Variants in NRIP1 observed in about 807,000 individuals in gnomAD.
NRIP1 encodes nuclear receptor interacting protein 1, also known as nuclear receptor-interacting protein 1.
NRIP1 carries 28 observed loss-of-function variants against 75.0 expected under a neutral mutation model. The ratio of observed to expected loss-of-function variants is 0.37; its 90% CI spans 0.28 to 0.51. The LOEUF (loss-of-function observed/expected upper bound fraction) is 0.51, where lower values mean the gene tolerates loss of function less well. NRIP1 is among the 20% of genes least tolerant of loss of function. NRIP1 has a pLI of 0.92. For synonymous variants in NRIP1, 526 were observed against 487.6 expected (o/e 1.08, Z -1.04); for missense variants, 1,435 against 1,343.7 (o/e 1.07, Z -1.06).
At chr21:14,975,666 AG>A (rs2087041804) in intron 3 of NRIP1, among the ~76,000 whole-genome samples, 1 of 137,212 alleles carries the variant, frequency 7.3e-6, no homozygotes, top group African/African-American at 3.2e-5. Flanking sequence ...AGGGAGAGAG[AG>A]AGAGAAAGAA....
At position 14,962,994 on chromosome 21, in the gene NRIP1, C is replaced by A. The variant is rs1207717530; in HGVS notation, c.*1722G>T. ...TCTGGTGAATGAATTGTGGATTGTACAAACTGAACATAAAAACAGACCTGT... is the reference window on the plus strand; with the variant it reads ...TCTGGTGAATGAATTGTGGATTGTAAAAACTGAACATAAAAACAGACCTGT... On this transcript the variant is annotated 3_prime_UTR_variant, in exon 4 of 4. Transcript: ENST00000318948. 1.3e-5 allele frequency: 2 copies of A among 152,342 alleles called. No homozygotes were observed. The highest frequency in any genetic ancestry group is 2.9e-5 in the Non-Finnish European group (2 of 67,914). The allele number at this position is 152,342 out of a possible 1,614,324, so 9.4% of individuals were successfully genotyped here.
chr21:15,038,120 T>A (rs1380321755), intron 2 of NRIP1, among the ~76,000 whole-genome samples: 3 of 152,096 alleles, frequency 2.0e-5, no homozygotes, highest in Non-Finnish European at 2.9e-5. Context: ...ACCAAGAACC[T>A]GCCAACAGAC....
intron 3 of NRIP1, among the ~76,000 whole-genome samples, chr21:15,006,743 A>G (rs902694900): frequency 5.3e-5 from 8 of 152,240 alleles, no homozygotes; most frequent in Non-Finnish European, 7.3e-5. Context: ...TGAACAGGAC[A>G]GGAAAAGGAC....
At chr21:15,022,913 T>A (rs925801933) in intron 2 of NRIP1, among the ~76,000 whole-genome samples, 4 of 152,222 alleles carry the variant, frequency 2.6e-5, no homozygotes, top group Admixed American at 6.5e-5. Flanking sequence ...AGGAATGAAG[T>A]GCTGACACAT....
chr21:15,056,738 A>G (rs2147399417), intron 1 of NRIP1, among the ~76,000 whole-genome samples: 1 of 152,294 alleles, frequency 6.6e-6, no homozygotes, highest in East Asian at 1.9e-4. Context: ...AGCACCCTAG[A>G]AAATATTATG....
intron 3 of NRIP1, among the ~76,000 whole-genome samples, chr21:15,005,441 G>A (rs1297625622): frequency 6.6e-6 from 1 of 152,120 alleles, no homozygotes; most frequent in Non-Finnish European, 1.5e-5. Flanking sequence ...TTGGTTGAAC[G>A]CTGAGGCAGT....
chr21:14,983,950 C>T (rs79306440), intron 3 of NRIP1, among the ~76,000 whole-genome samples: 8 of 152,326 alleles, frequency 5.3e-5, no homozygotes, highest in Non-Finnish European at 1.2e-4. Flanking sequence ...AAGAGCTCTG[C>T]TGCAGTTGTA....
At chr21:15,003,808 G>A (rs764032356) in intron 3 of NRIP1, among the ~76,000 whole-genome samples, 8 of 152,052 alleles carry the variant, frequency 5.3e-5, no homozygotes, top group Non-Finnish European at 1.2e-4. Context: ...AACCCTTTAG[G>A]TACTGGAAAC....
At chr21:14,980,427 T>C (rs2087200953) in intron 3 of NRIP1, among the ~76,000 whole-genome samples, 1 of 151,934 alleles carries the variant, frequency 6.6e-6, no homozygotes, top group Non-Finnish European at 1.5e-5. Context: ...TGAGCCAAGA[T>C]CGCACTATTG....
chr21:15,021,856 C>T (rs1261317053), intron 2 of NRIP1, among the ~76,000 whole-genome samples: 1 of 152,144 alleles, frequency 6.6e-6, no homozygotes, highest in Non-Finnish European at 1.5e-5. Context: ...CATCTCATGC[C>T]TGTCAGAATG....
At chr21:15,064,348 G>A (rs1234871142) in intron 1 of NRIP1, among the ~76,000 whole-genome samples, 1 of 152,358 alleles carries the variant, frequency 6.6e-6, no homozygotes, top group South Asian at 2.1e-4. Context: ...GGATCCGGCT[G>A]GACAGCAGGA....
chr21:15,018,697 T>TACACAC (rs954669277), intron 2 of NRIP1, among the ~76,000 whole-genome samples: 6 of 152,178 alleles, frequency 3.9e-5, no homozygotes, highest in Admixed American at 1.3e-4. Context: ...CACACACATA[T>TACACAC]ACACACACCA....
chr21:15,031,823 G>A (rs1435803908), intron 2 of NRIP1, among the ~76,000 whole-genome samples: 83 of 83,088 alleles, frequency 1.0e-3, no homozygotes, highest in Admixed American at 1.5e-3. Context: ...TTCTATGTGT[G>A]TACACTCTGG....
chr21:15,063,489 A>G (rs753428515), intron 1 of NRIP1, among the ~76,000 whole-genome samples: 1 of 152,256 alleles, frequency 6.6e-6, no homozygotes, highest in Non-Finnish European at 1.5e-5. Context: ...ATGATTCACT[A>G]ATAAGCAGGT....
At position 14,962,037 on chromosome 21, in the gene NRIP1, A is replaced by G. The variant is rs990563672; in HGVS notation, c.*2679T>C. ...ATATTATATATATATATATATATAT[A>G]TATATAAAATATATACTCTCACCAG... On this transcript the variant is annotated 3_prime_UTR_variant, in exon 4 of 4. Coordinates refer to ENST00000318948, the MANE Select transcript of NRIP1 (RefSeq NM_003489.4). 1 of 145,420 alleles carries G rather than the reference A, an allele frequency of 6.9e-6. No homozygotes were observed. Among genetic ancestry groups the G allele is most frequent in the Non-Finnish European group, 1.5e-5 (1 of 66,120 alleles). The allele number at this position is 145,420 out of a possible 1,614,324, so 9.0% of individuals were successfully genotyped here.
intron 2 of NRIP1, among the ~76,000 whole-genome samples, chr21:15,041,308 C>A (rs1050989592): frequency 6.6e-6 from 1 of 152,026 alleles, no homozygotes; most frequent in African/African-American, 2.4e-5. Context: ...TAAAAGACGC[C>A]AAAGACTATT....
intron 2 of NRIP1, among the ~76,000 whole-genome samples, chr21:15,033,684 A>G (rs2088765552): frequency 6.6e-6 from 1 of 152,246 alleles, no homozygotes; most frequent in South Asian, 2.1e-4. Flanking sequence ...AATACTGCTA[A>G]GACATACATT....
chr21:15,060,136 AAAGT>A (rs1279291434), intron 1 of NRIP1, among the ~76,000 whole-genome samples: 1 of 152,188 alleles, frequency 6.6e-6, no homozygotes, highest in Non-Finnish European at 1.5e-5. Flanking sequence ...AACAGTGAGA[AAAGT>A]TAGTATAAAT....
chr21:14,974,538 T>C (rs2086995687), intron 3 of NRIP1, among the ~76,000 whole-genome samples: 1 of 152,204 alleles, frequency 6.6e-6, no homozygotes, highest in South Asian at 2.1e-4. Context: ...TACAATCTCC[T>C]CTATCAAACA....
Sources: gnomAD v4.1 joint callset for allele counts (sites outside exome capture counted in the v4.1 genomes callset) on GRCh38, gnomAD v4.1.1 for gene constraint, MANE v1.5 for transcripts, NCBI Gene and HGNC (gene_info 2026-07-23, HGNC 2026-07-21) for gene names.